Variants in SDK2 observed in about 807,000 individuals in gnomAD.
The protein encoded by SDK2 is sidekick cell adhesion molecule 2.
In SDK2, 105 loss-of-function variants were observed where a neutral mutation model predicts 253.9. The observed-to-expected ratio is 0.41, with a 90% CI of 0.35 to 0.49. The LOEUF is 0.49. Among genes scored for constraint, SDK2 ranks in the 20% least tolerant of loss-of-function variants. The probability of loss-of-function intolerance (pLI) is 0.06; values close to 1 mark genes in which losing one functional copy is unlikely to be tolerated. For missense variants in SDK2, 2,608 were observed against 3,003.0 expected (o/e 0.87, Z 3.07); for synonymous variants, 1,249 against 1,234.9 (o/e 1.01, Z -0.24).
chr17:73,339,562 C>T (rs997068666), intron 44 of SDK2, among the ~76,000 whole-genome samples: 18 of 151,456 alleles, frequency 1.2e-4, no homozygotes, highest in African/African-American at 4.1e-4. Flanking sequence ...TTTTGGGGGG[C>T]GGGGAGTGGA....
At position 73,513,048 on chromosome 17, in the gene SDK2, G is replaced by A. The variant is rs1403491266; in HGVS notation, c.65-5451C>T. The stretch of plus-strand genomic sequence containing the variant: ...TTTAAAAATATACTGTCTTGGCAAA[G>A]CAATGTACTCGCCAAGTACTTTCTA... On this transcript the variant is annotated intron_variant, in intron 1 of 44. Coordinates refer to ENST00000392650, the MANE Select transcript of SDK2 (RefSeq NM_001144952.2). 2.6e-5 allele frequency among the ~76,000 whole-genome samples: 4 copies of A among 151,682 alleles called. No individual in the cohort carries two copies. The East Asian group carries it at 7.7e-4, about 29-fold the overall frequency.
intron 1 of SDK2, among the ~76,000 whole-genome samples, chr17:73,635,805 T>A (rs753998346): frequency 5.5e-4 from 83 of 152,110 alleles, no homozygotes; most frequent in Non-Finnish European, 1.6e-4. Flanking sequence ...ATGCCCCAAA[T>A]GACCTTAAGG....
At position 73,508,007 on chromosome 17, in the gene SDK2, G is replaced by A. The variant is rs187302354; in HGVS notation, c.65-410C>T. 8.5e-4 allele frequency among the ~76,000 whole-genome samples: 130 copies of A among 152,336 alleles called. 1 individual carries two copies. The highest frequency in any genetic ancestry group is 6.3e-3 in the Admixed American group (96 of 15,308). On this transcript the variant is annotated intron_variant, in intron 1 of 44. Transcript: ENST00000392650. ...AATATCAATGTCACAAGGAGAATAG[G>A]GAGGCAGATTGACAACTGTAGGGGG... is the stretch of plus-strand genomic sequence containing the variant.
chr17:73,369,874 G>A (rs1351121692), intron 36 of SDK2, among the ~76,000 whole-genome samples: 1 of 152,160 alleles, frequency 6.6e-6, no homozygotes, highest in African/African-American at 2.4e-5. Flanking sequence ...TAGATCTCCT[G>A]ACCTTGTGAT....
At chr17:73,488,382 A>AT (rs2063783336) in intron 2 of SDK2, among the ~76,000 whole-genome samples, 1 of 152,204 alleles carries the variant, frequency 6.6e-6, no homozygotes, top group Non-Finnish European at 1.5e-5. Context: ...TCAAACACAC[A>AT]TTTGTTCCAC....
intron 4 of SDK2, among the ~76,000 whole-genome samples, chr17:73,450,056 A>G (rs1428644349): frequency 1.3e-5 from 2 of 152,230 alleles, no homozygotes. Flanking sequence ...TTAAAATAAG[A>G]CAGGGATAGT....
chr17:73,555,943 C>G (rs2045137361), intron 1 of SDK2, among the ~76,000 whole-genome samples: 1 of 152,100 alleles, frequency 6.6e-6, no homozygotes. Flanking sequence ...TGGCCAGAAG[C>G]AGTGGATGGT....
intron 36 of SDK2, among the ~76,000 whole-genome samples, chr17:73,372,427 CTCAA>C (rs1305302598): frequency 6.6e-6 from 1 of 152,186 alleles, no homozygotes; most frequent in African/African-American, 2.4e-5. Flanking sequence ...ATCCATGGTC[CTCAA>C]TCAATATCTG....
chr17:73,532,070 C>A (rs978566363), intron 1 of SDK2, among the ~76,000 whole-genome samples: 6 of 152,132 alleles, frequency 3.9e-5, no homozygotes, highest in Non-Finnish European at 7.4e-5. Flanking sequence ...TGTACTCCTG[C>A]CCCCAGCTCC....
At chr17:73,584,803 TG>T (rs1337226079) in intron 1 of SDK2, among the ~76,000 whole-genome samples, 1 of 152,252 alleles carries the variant, frequency 6.6e-6, no homozygotes, top group Admixed American at 6.5e-5. Context: ...CCTGTGTCCC[TG>T]CAGGGTTCCC....
At chr17:73,614,864 AC>A (rs1324441521) in intron 1 of SDK2, among the ~76,000 whole-genome samples, 5 of 151,876 alleles carry the variant, frequency 3.3e-5, no homozygotes, top group African/African-American at 1.2e-4. Context: ...TTGAAAAACT[AC>A]CTATCAGGTA....
chr17:73,365,228 C>A, intron 38 of SDK2, 30 bp downstream of exon 38: 2 of 1,519,640 alleles, frequency 1.3e-6, no homozygotes, highest in South Asian at 1.3e-5. Flanking sequence ...AAGTGGGGGG[C>A]TGGGGAGCTG....
chr17:73,634,455 A>G (rs1234850034), intron 1 of SDK2, among the ~76,000 whole-genome samples: 1 of 152,266 alleles, frequency 6.6e-6, no homozygotes, highest in East Asian at 1.9e-4. Context: ...TGGGGTGAAG[A>G]GCAAATGCGA....
chr17:73,409,610 A>G (rs1480374492), intron 18 of SDK2, among the ~76,000 whole-genome samples: 7 of 152,084 alleles, frequency 4.6e-5, no homozygotes, highest in Non-Finnish European at 1.5e-5. Flanking sequence ...AGCCCGGGCA[A>G]TAAGAGCAAA....
chr17:73,410,647 G>A (rs1293608951), intron 18 of SDK2, among the ~76,000 whole-genome samples: 1 of 152,182 alleles, frequency 6.6e-6, no homozygotes, highest in African/African-American at 2.4e-5. Flanking sequence ...TCCCTGTGCT[G>A]CTTGCATGAA....
In SDK2 at chr17:73,500,767, C is replaced by A. The variant is rs531459377; in HGVS notation, c.224+6671G>T. ...CTCCTCCATCCTCCATCCATCCTTC[C>A]TCTAGCCTCTGTCCATCCTCCCTCC... On this transcript the variant is annotated intron_variant, in intron 2 of 44. Coordinates refer to ENST00000392650, the MANE Select transcript of SDK2 (RefSeq NM_001144952.2). Among the ~76,000 whole-genome samples, 8 of 151,052 alleles carry A rather than the reference C, an allele frequency of 5.3e-5. 1 individual carries two copies. Among genetic ancestry groups the A allele is most frequent in the African/African-American group, 1.9e-4 (8 of 41,078 alleles).
At chr17:73,412,011 TAG>T (rs2063133458) in intron 18 of SDK2, among the ~76,000 whole-genome samples, 1 of 94,898 alleles carries the variant, frequency 1.1e-5, no homozygotes, top group African/African-American at 4.4e-5. Context: ...CATATATATG[TAG>T]ATATACGTAT....
At chr17:73,347,075 C>G (rs2062490939) in intron 44 of SDK2, among the ~76,000 whole-genome samples, 2 of 152,186 alleles carry the variant, frequency 1.3e-5, no homozygotes, top group Admixed American at 1.3e-4. Flanking sequence ...ATAAGGACCA[C>G]AGTGGGGCCA....
At chr17:73,503,353 T>G (rs1214008666) in intron 2 of SDK2, among the ~76,000 whole-genome samples, 3 of 152,236 alleles carry the variant, frequency 2.0e-5, no homozygotes, top group Admixed American at 6.5e-5. Flanking sequence ...GTGTCGTGCA[T>G]GGTTCTGCGG....
Sources: allele counts gnomAD v4.1 joint callset (sites outside exome capture counted in the v4.1 genomes callset), GRCh38; gene constraint gnomAD v4.1.1; transcripts MANE v1.5; gene names NCBI Gene and HGNC (gene_info 2026-07-23, HGNC 2026-07-21).